The following CCSER2 variants were observed in gnomAD, a reference collection of about 807,000 sequenced individuals.
CCSER2 encodes serine-rich coiled-coil domain-containing protein 2.
A neutral mutation model predicts 92.3 loss-of-function variants in CCSER2; 46 were observed. The observed-to-expected ratio is 0.50, with a 90% CI of 0.39 to 0.64. The LOEUF (loss-of-function observed/expected upper bound fraction) is 0.64. CCSER2 is among the 30% of genes least tolerant of loss of function. The probability of loss-of-function intolerance (pLI) is 0.00; values close to 1 mark genes in which losing one functional copy is unlikely to be tolerated. For synonymous variants in CCSER2, 433 were observed against 431.4 expected (o/e 1.00, Z -0.04); for missense variants, 1,244 against 1,238.9 (o/e 1.00, Z -0.06).
rs1849487196 is a variant in CCSER2 at position 84,513,713 on chromosome 10, A to G, written c.2590A>G (p.Thr864Ala). The change falls in exon 10 of 10, where the codon ACT (threonine) becomes GCT (alanine). Residue 864 changes from threonine to alanine, a missense_variant. By Grantham distance (58) the Thr-to-Ala change is moderately conservative. Transcript: ENST00000372088. ...ACCTTCTGAAGCAAACTTAAACATT[A>G]CTGTAAATGCTCAAGAGCCTTATCA... ...STPSEANLNI[T>A]VNAQEPYHLA... 5 of 1,538,846 alleles carry G rather than the reference A, an allele frequency of 3.2e-6. No homozygotes were observed. The highest frequency in any genetic ancestry group is 3.5e-6 in the Non-Finnish European group (4 of 1,147,414).
chr10:84,411,280 T>G (rs535462098), intron 3 of CCSER2, among the ~76,000 whole-genome samples: 5 of 152,180 alleles, frequency 3.3e-5, no homozygotes, highest in African/African-American at 4.8e-5. Flanking sequence ...CTTGGCTGTT[T>G]GGGCTCTTTT....
chr10:84,479,349 T>C (rs950101414), intron 9 of CCSER2, among the ~76,000 whole-genome samples: 2 of 152,202 alleles, frequency 1.3e-5, no homozygotes, highest in Admixed American at 6.5e-5. Flanking sequence ...TAGTTCTAGG[T>C]TCTTTTCCCC....
chr10:84,457,711 A>T (rs1181331432), intron 6 of CCSER2, among the ~76,000 whole-genome samples: 2 of 114,206 alleles, frequency 1.8e-5, no homozygotes, highest in African/African-American at 3.5e-5. Flanking sequence ...TAATTATATT[A>T]TATATAAATA....
At chr10:84,457,285 A>ATAATATAT (rs1845728771) in intron 6 of CCSER2, among the ~76,000 whole-genome samples, 3 of 79,406 alleles carry the variant, frequency 3.8e-5, no homozygotes, top group Non-Finnish European at 6.7e-5. Context: ...TATATTATAT[A>ATAATATAT]TTATATATTA....
At chr10:84,385,033 A>ACACACACACACACC (rs1491585087) in intron 3 of CCSER2, among the ~76,000 whole-genome samples, 2 of 151,786 alleles carry the variant, frequency 1.3e-5, no homozygotes, top group East Asian at 1.9e-4. Flanking sequence ...ACACACACAC[A>ACACACACACACACC]CCCAGGAATA....
intron 6 of CCSER2, among the ~76,000 whole-genome samples, chr10:84,449,684 G>A (rs1845152163): frequency 6.6e-6 from 1 of 152,008 alleles, no homozygotes; most frequent in Non-Finnish European, 1.5e-5. Flanking sequence ...AAGAAACCCC[G>A]TCTCTAGTAA....
At chr10:84,429,272 G>A (rs552561344) in intron 5 of CCSER2, among the ~76,000 whole-genome samples, 17 of 152,088 alleles carry the variant, frequency 1.1e-4, no homozygotes, top group South Asian at 2.1e-4. Context: ...TAGATATTCT[G>A]TAGATGTCTT....
intron 5 of CCSER2, among the ~76,000 whole-genome samples, chr10:84,433,605 G>T (rs1843921389): frequency 6.6e-6 from 1 of 152,166 alleles, no homozygotes; most frequent in South Asian, 2.1e-4. Context: ...AAGTATATGG[G>T]TGTAGCCATA....
rs569383728 is a variant in CCSER2 at position 84,387,819 on chromosome 10, C to T, written c.1614+14004C>T. 6.6e-5 allele frequency among the ~76,000 whole-genome samples: 10 copies of T among 151,792 alleles called. No individual in the cohort carries two copies. In the South Asian group the frequency reaches 1.5e-3, roughly 22 times the overall value. ...CTGGGATTACAGGTGTGAGCCACCG[C>T]GCCCGGCCACACTGAAGTAATTTTG... On this transcript the variant is annotated intron_variant, in intron 3 of 9. Coordinates refer to ENST00000372088, the MANE Select transcript of CCSER2 (RefSeq NM_001284240.2).
At chr10:84,329,094 G>A (rs1037692277) in intron 1 of CCSER2, among the ~76,000 whole-genome samples, 2 of 152,130 alleles carry the variant, frequency 1.3e-5, no homozygotes, top group Admixed American at 6.5e-5. Flanking sequence ...AGAAATCAGG[G>A]CGAGGCTGAG....
At chr10:84,488,485 A>C (rs2133790540) in intron 9 of CCSER2, among the ~76,000 whole-genome samples, 1 of 152,174 alleles carries the variant, frequency 6.6e-6, no homozygotes, top group East Asian at 1.9e-4. Flanking sequence ...ATATGTGTCG[A>C]GGAATTTATC....
At chr10:84,458,347 CCAT>C (rs1295116156) in intron 6 of CCSER2, among the ~76,000 whole-genome samples, 2 of 152,110 alleles carry the variant, frequency 1.3e-5, no homozygotes, top group African/African-American at 4.8e-5. Flanking sequence ...ATGCCTTTGA[CCAT>C]AAATGTGTGG....
intron 6 of CCSER2, among the ~76,000 whole-genome samples, chr10:84,463,225 C>CA (rs1846204702): frequency 6.6e-6 from 1 of 152,144 alleles, no homozygotes; most frequent in Non-Finnish European, 1.5e-5. Context: ...GCATGAGATA[C>CA]ATCCAGTAAA....
At chr10:84,506,472 G>A (rs1849049744) in intron 9 of CCSER2, among the ~76,000 whole-genome samples, 1 of 152,188 alleles carries the variant, frequency 6.6e-6, no homozygotes, top group South Asian at 2.1e-4. Flanking sequence ...GTTAAGATCA[G>A]ATTATACCTT....
intron 6 of CCSER2, chr10:84,455,143 CTT>C (rs1341746575): frequency 6.5e-6 from 1 of 154,246 alleles, no homozygotes; most frequent in Non-Finnish European, 1.4e-5. Context: ...CATTAAACCT[CTT>C]TTTCTTTATA....
chr10:84,461,793 T>C (rs915475672), intron 6 of CCSER2, among the ~76,000 whole-genome samples: 2 of 152,176 alleles, frequency 1.3e-5, no homozygotes, highest in Non-Finnish European at 2.9e-5. Context: ...TGTTGGTGTT[T>C]TTTGATTGTC....
intron 1 of CCSER2, among the ~76,000 whole-genome samples, chr10:84,353,836 T>C (rs1476219908): frequency 6.6e-6 from 1 of 152,142 alleles, no homozygotes; most frequent in Non-Finnish European, 1.5e-5. Context: ...TCTTTATTTT[T>C]AACCTCCTCT....
intron 3 of CCSER2, chr10:84,393,955 A>G (rs1359872176): frequency 6.6e-6 from 1 of 152,222 alleles, no homozygotes; most frequent in East Asian, 1.9e-4. Context: ...ATGCTTTGAC[A>G]TTGAGTTACA....
chr10:84,436,592 G>A (rs1405359475), intron 5 of CCSER2, among the ~76,000 whole-genome samples: 1 of 140,778 alleles, frequency 7.1e-6, no homozygotes, highest in African/African-American at 2.7e-5. Flanking sequence ...CCGAGATCGC[G>A]CCACTGCACT....
Sources: allele counts gnomAD v4.1 joint callset (sites outside exome capture counted in the v4.1 genomes callset), GRCh38; gene constraint gnomAD v4.1.1; transcripts MANE v1.5; gene names NCBI Gene and HGNC (gene_info 2026-07-23, HGNC 2026-07-21).